The following LRRC7 variants were observed in gnomAD, a reference collection of about 807,000 sequenced individuals.
LRRC7 encodes the protein leucine-rich repeat-containing protein 7.
In LRRC7, 23 loss-of-function variants were observed where a neutral mutation model predicts 175.7. The observed-to-expected ratio is 0.13, with a 90% CI of 0.09 to 0.19. LRRC7 has a LOEUF of 0.19. LRRC7 is among the 10% of genes least tolerant of loss of function. The pLI, the probability that LRRC7 is intolerant of heterozygous loss-of-function variation, is 1.00. For missense variants in LRRC7, 1,354 were observed against 1,904.7 expected (o/e 0.71, Z 5.38); for synonymous variants, 685 against 680.9 (o/e 1.01, Z -0.09).
At chr1:69,959,114 A>G (rs951176194) in intron 8 of LRRC7, among the ~76,000 whole-genome samples, 8 of 152,076 alleles carry the variant, frequency 5.3e-5, no homozygotes, top group African/African-American at 1.9e-4. Context: ...GCATTATTCA[A>G]TCCCTATTTC....
At position 70,135,657 on chromosome 1, in the gene LRRC7, A is replaced by T. The variant is rs1383943732; in HGVS notation, c.*13770A>T. ...ATTCAAGACTTCACTTTTATTGATG[A>T]TCATTAAGCTAGAATCTGTAAAAGA... is the stretch of plus-strand genomic sequence containing the variant. On this transcript the variant is annotated 3_prime_UTR_variant, in exon 27 of 27. Coordinates refer to ENST00000651989, the MANE Select transcript of LRRC7 (RefSeq NM_001370785.2). Among the ~76,000 whole-genome samples, 1 of 152,240 alleles carries T rather than the reference A, an allele frequency of 6.6e-6. No individual in the cohort carries two copies. The highest frequency in any genetic ancestry group is 1.5e-5 in the Non-Finnish European group (1 of 68,032).
At position 70,128,915 on chromosome 1, in the gene LRRC7, T is replaced by C. The variant is rs1025804355; in HGVS notation, c.*7028T>C. 1 of 152,166 alleles carries C rather than the reference T, an allele frequency of 6.6e-6. No homozygotes were observed. 9.4% of individuals were successfully genotyped at this position (152,166 alleles called of 1,614,324 possible). On this transcript the variant is annotated 3_prime_UTR_variant, in exon 27 of 27. Coordinates refer to ENST00000651989, the MANE Select transcript of LRRC7 (RefSeq NM_001370785.2). ...TCCATTTGGAGCTACAGATAGGTCT[T>C]CTGCTGGTTCTTGTGACCTTCACAC...
intron 1 of LRRC7, among the ~76,000 whole-genome samples, chr1:69,602,202 A>T (rs2100997890): frequency 6.6e-6 from 1 of 152,286 alleles, no homozygotes; most frequent in East Asian, 1.9e-4. Flanking sequence ...CATTTTCCAG[A>T]ATCTTTCTGT....
rs1406096671 is a variant in LRRC7, at chr1:70,144,031, T to TATG, written c.*22145_*22147dup. ...AACAACCTTGAAAGCTGCTTCATTTTATGTGCAAAGAAGTCCTATGAATCT... is the reference window on the plus strand; with the variant it reads ...AACAACCTTGAAAGCTGCTTCATTTTATGATGTGCAAAGAAGTCCTATGAATCT... On this transcript the variant is annotated 3_prime_UTR_variant, in exon 27 of 27. Coordinates refer to ENST00000651989, the MANE Select transcript of LRRC7 (RefSeq NM_001370785.2). 2.0e-5 allele frequency: 3 copies of TATG among 152,220 alleles called. No individual in the cohort carries two copies. Among genetic ancestry groups the TATG allele is most frequent in the Admixed American group, 6.5e-5 (1 of 15,272 alleles). 9.4% of individuals were successfully genotyped at this position (152,220 alleles called of 1,614,324 possible).
chr1:69,654,523 A>G (rs1349205642), intron 1 of LRRC7, among the ~76,000 whole-genome samples: 2 of 152,092 alleles, frequency 1.3e-5, no homozygotes, highest in African/African-American at 2.4e-5. Context: ...TGAAGTTGCC[A>G]GTCTTATTGC....
At chr1:69,623,624 C>T (rs1372107776) in intron 1 of LRRC7, among the ~76,000 whole-genome samples, 1 of 149,080 alleles carries the variant, frequency 6.7e-6, no homozygotes, top group African/African-American at 2.5e-5. Context: ...GATCTCGGCT[C>T]ACCGCAACCT....
intron 4 of LRRC7, among the ~76,000 whole-genome samples, chr1:69,800,978 T>A (rs1557746675): frequency 6.6e-6 from 1 of 151,968 alleles, no homozygotes; most frequent in South Asian, 2.1e-4. Context: ...TTTTTCTCTA[T>A]CTATTGAGAT....
chr1:69,994,251 C>T (rs549440721), intron 10 of LRRC7, among the ~76,000 whole-genome samples: 1 of 152,198 alleles, frequency 6.6e-6, no homozygotes, highest in East Asian at 1.9e-4. Flanking sequence ...TCAACTGGTC[C>T]ATTTGCTGAA....
chr1:69,568,751 G>C, intron 1 of LRRC7, 110 bp downstream of exon 1: 2 of 614,286 alleles, frequency 3.3e-6, no homozygotes, highest in African/African-American at 2.0e-5. Context: ...GGCGGGGGTG[G>C]CAGGGCGGGA....
chr1:69,892,415 A>C (rs1645862480), intron 7 of LRRC7, among the ~76,000 whole-genome samples: 1 of 152,208 alleles, frequency 6.6e-6, no homozygotes, highest in South Asian at 2.1e-4. Flanking sequence ...TTAAAAACTC[A>C]AATGAGAAAA....
At chr1:69,633,213 C>G (rs887464552) in intron 1 of LRRC7, among the ~76,000 whole-genome samples, 1 of 151,834 alleles carries the variant, frequency 6.6e-6, no homozygotes, top group African/African-American at 2.4e-5. Flanking sequence ...AAAATGCTTT[C>G]TTAAAAAATG....
intron 26 of LRRC7, among the ~76,000 whole-genome samples, chr1:70,112,926 C>T (rs953753480): frequency 6.6e-6 from 1 of 151,880 alleles, no homozygotes; most frequent in Non-Finnish European, 1.5e-5. Context: ...AGAGGAAGAC[C>T]CCAGACTCGT....
chr1:69,763,113 ATCAGAGT>A (rs757836657), intron 3 of LRRC7, among the ~76,000 whole-genome samples: 1 of 152,100 alleles, frequency 6.6e-6, no homozygotes, highest in Non-Finnish European at 1.5e-5. Context: ...GGAATAATGC[ATCAGAGT>A]TCATTATATG....
chr1:69,633,841 G>C (rs1652900063), intron 1 of LRRC7, among the ~76,000 whole-genome samples: 1 of 152,078 alleles, frequency 6.6e-6, no homozygotes, highest in South Asian at 2.1e-4. Context: ...CCTGGCAAGA[G>C]GAAATAATTC....
At chr1:69,586,201 C>T (rs914201618) in intron 1 of LRRC7, among the ~76,000 whole-genome samples, 1 of 152,154 alleles carries the variant, frequency 6.6e-6, no homozygotes, top group African/African-American at 2.4e-5. Flanking sequence ...AGACTTCTTT[C>T]CTTGTCCTTC....
intron 23 of LRRC7, among the ~76,000 whole-genome samples, chr1:70,062,622 G>A (rs1438879757): frequency 6.6e-6 from 1 of 151,860 alleles, no homozygotes; most frequent in Non-Finnish European, 1.5e-5. Context: ...TACATGACCT[G>A]GAGGAAATCA....
chr1:69,825,407 G>C (rs1679791192), intron 4 of LRRC7, among the ~76,000 whole-genome samples: 1 of 152,016 alleles, frequency 6.6e-6, no homozygotes, highest in African/African-American at 2.4e-5. Context: ...CTCAGTAGCA[G>C]CACTATAACT....
At chr1:69,825,587 G>A (rs535063356) in intron 4 of LRRC7, among the ~76,000 whole-genome samples, 161 bp from the exon 5 acceptor site, 2 of 151,684 alleles carry the variant, frequency 1.3e-5, no homozygotes, top group Non-Finnish European at 2.9e-5. Flanking sequence ...TAATAATATT[G>A]ATATGTTATT....
intron 3 of LRRC7, among the ~76,000 whole-genome samples, chr1:69,783,075 C>CAAAA (rs1673957214): frequency 6.6e-6 from 1 of 152,202 alleles, no homozygotes; most frequent in Non-Finnish European, 1.5e-5. Context: ...GCTTACAATA[C>CAAAA]AGCCACTTGC....
Sources: allele counts gnomAD v4.1 joint callset (sites outside exome capture counted in the v4.1 genomes callset), GRCh38; gene constraint gnomAD v4.1.1; transcripts MANE v1.5; gene names NCBI Gene and HGNC (gene_info 2026-07-23, HGNC 2026-07-21).